MICAL3: variants seen among roughly 807,000 people sequenced by gnomAD.
The protein encoded by MICAL3 is microtubule associated monooxygenase, calponin and LIM domain containing 3.
A neutral mutation model predicts 207.4 loss-of-function variants in MICAL3; 62 were observed. The ratio of observed to expected loss-of-function variants is 0.30; its 90% CI spans 0.24 to 0.37. The LOEUF (loss-of-function observed/expected upper bound fraction) is 0.37. Ranked by LOEUF, MICAL3 falls within the 10% of genes least tolerant of loss-of-function variation. The pLI is 1.00. For missense variants in MICAL3, 2,368 were observed against 2,635.6 expected (o/e 0.90, Z 2.22); for synonymous variants, 1,077 against 1,069.3 (o/e 1.01, Z -0.14).
chr22:17,796,563 C>T lies in MICAL3; in HGVS notation c.5651-5262G>A, dbSNP rs547421553. 3.9e-5 allele frequency among the ~76,000 whole-genome samples: 6 copies of T among 152,346 alleles called. No homozygotes were observed. The highest frequency in any genetic ancestry group is 4.1e-4 in the South Asian group (2 of 4,830). On this transcript the variant is annotated intron_variant, in intron 29 of 31. Coordinates refer to ENST00000441493, the MANE Select transcript of MICAL3 (RefSeq NM_015241.3). This position sits in a 1 kb window ranked among gnomAD's most constrained non-coding sequence, Gnocchi z 4.4. ...GCCAAATCTTCTTGCCCACTCTGAA[C>T]TCAGAGCTTTCCCTCTTCAACACAG... is the stretch of plus-strand genomic sequence containing the variant.
intron 1 of MICAL3, among the ~76,000 whole-genome samples, chr22:18,017,860 C>T (rs940380814): frequency 6.6e-6 from 1 of 152,032 alleles, no homozygotes; most frequent in Non-Finnish European, 1.5e-5. Context: ...ACGCCATTCT[C>T]CTGCCTCGGC....
At chr22:18,023,675 C>G (rs1211116008) in intron 1 of MICAL3, among the ~76,000 whole-genome samples, 1 of 152,088 alleles carries the variant, frequency 6.6e-6, no homozygotes, top group Admixed American at 6.5e-5. Context: ...TGCACACGCC[C>G]GGGAGCTGCG....
chr22:17,938,733 G>A (rs1933667279), intron 1 of MICAL3, among the ~76,000 whole-genome samples: 1 of 152,168 alleles, frequency 6.6e-6, no homozygotes, highest in Admixed American at 6.5e-5. Context: ...GTGAAAGTCA[G>A]CCCACCCTCC....
chr22:17,951,135 C>T (rs1241829261), intron 1 of MICAL3, among the ~76,000 whole-genome samples: 2 of 152,194 alleles, frequency 1.3e-5, no homozygotes, highest in African/African-American at 4.8e-5. Context: ...ACTGCCCTTA[C>T]TCAACAAGTT....
chr22:17,809,006 AC>A, intron 28 of MICAL3, 69 bp from the exon 29 acceptor site: 1 of 1,317,952 alleles, frequency 7.6e-7, no homozygotes, highest in Non-Finnish European at 1.1e-6. Flanking sequence ...ACAACTCCAC[AC>A]CCACACGAGG....
chr22:17,877,035 A>AT (rs1236933701), intron 16 of MICAL3, among the ~76,000 whole-genome samples: 34 of 131,214 alleles, frequency 2.6e-4, no homozygotes, highest in Middle Eastern at 4.2e-3. Context: ...TATGGAGGTT[A>AT]GGGAGGTTAT....
intron 16 of MICAL3, chr22:17,872,920 T>C (rs980409961): frequency 2.9e-6 from 3 of 1,047,576 alleles, no homozygotes; most frequent in Non-Finnish European, 4.5e-6. Context: ...ATACATAAAT[T>C]AAGAAGACAC....
intron 21 of MICAL3, 75 bp downstream of exon 21, chr22:17,831,779 A>C (rs1405481412): frequency 6.0e-6 from 9 of 1,500,978 alleles, no homozygotes; most frequent in Non-Finnish European, 6.2e-6. Context: ...AGCCCCAGAA[A>C]CCTCTTACAC....
At chr22:17,835,577 G>T (rs113318432) in intron 20 of MICAL3, among the ~76,000 whole-genome samples, 41 of 152,354 alleles carry the variant, frequency 2.7e-4, no homozygotes, top group East Asian at 2.1e-3. Context: ...CAGTGTGGCC[G>T]ACCCTTTGGA....
chr22:17,994,541 T>C (rs1922061987), intron 1 of MICAL3, among the ~76,000 whole-genome samples: 1 of 151,870 alleles, frequency 6.6e-6, no homozygotes, highest in Admixed American at 6.6e-5. Context: ...AGAGAGAGCT[T>C]GTCTCTCCAC....
chr22:17,866,675 T>C (rs969286218), intron 17 of MICAL3, among the ~76,000 whole-genome samples: 22 of 150,736 alleles, frequency 1.5e-4, no homozygotes, highest in African/African-American at 3.2e-4. Context: ...GAATATAGAA[T>C]AGAATAGAAT....
chr22:17,841,850 T>C lies in MICAL3; in HGVS notation c.2773A>G (p.Thr925Ala). 2.6e-6 allele frequency: 4 copies of C among 1,561,998 alleles called. No individual in the cohort carries two copies. The highest frequency in any genetic ancestry group is 1.2e-5 in the South Asian group (1 of 85,088). The change falls in exon 20 of 32, where the codon ACG (threonine) becomes GCG (alanine). Residue 925 changes from threonine (T) to alanine (A), a missense_variant. Around this residue, in one of 4 missense-constraint regions of MICAL3, gnomAD observed 1,770 missense variants for 1,863.2 expected, o/e 0.95. Transcript: ENST00000441493. The surrounding 1 kb of genome is among the most constrained non-coding windows in gnomAD (Gnocchi z 4.2). Reference sequence around the variant, plus strand: ...CTGGCGACGTCCTCCTCGGCGCCCGTGTCCAGCACGCTGCTCAGGTTGTGC... The same window carrying C: ...CTGGCGACGTCCTCCTCGGCGCCCGCGTCCAGCACGCTGCTCAGGTTGTGC... Reference protein sequence around the residue: ...AEHNLSSVLDTGAEEDVASSS... With the variant: ...AEHNLSSVLDAGAEEDVASSS...
intron 19 of MICAL3, among the ~76,000 whole-genome samples, chr22:17,851,871 C>T (rs571668259): frequency 1.3e-5 from 2 of 152,294 alleles, no homozygotes; most frequent in East Asian, 1.9e-4. Flanking sequence ...AGTTTGGTTC[C>T]GGGAAGCAGC....
chr22:17,982,187 A>G (rs1012966182), intron 1 of MICAL3, among the ~76,000 whole-genome samples: 1 of 152,194 alleles, frequency 6.6e-6, no homozygotes, highest in African/African-American at 2.4e-5. Flanking sequence ...CCCAGCATTC[A>G]GTACACGAAA....
chr22:17,795,906 G>T (rs2061871486), intron 29 of MICAL3, among the ~76,000 whole-genome samples: 1 of 142,416 alleles, frequency 7.0e-6, no homozygotes, highest in African/African-American at 2.6e-5. Flanking sequence ...GGGCGGGGGT[G>T]GGGGGTTTAT....
At chr22:17,885,387 C>T (rs376482486) in intron 16 of MICAL3, among the ~76,000 whole-genome samples, 5 of 151,810 alleles carry the variant, frequency 3.3e-5, no homozygotes, top group South Asian at 4.1e-4. Flanking sequence ...GGAACGCCTA[C>T]GGTTAAATGA....
chr22:17,970,758 A>T (rs1935373687), intron 1 of MICAL3, among the ~76,000 whole-genome samples: 1 of 150,242 alleles, frequency 6.7e-6, no homozygotes, highest in Non-Finnish European at 1.5e-5. Flanking sequence ...ATTGAGCAGC[A>T]TTTTTTTTTA....
chr22:17,855,708 C>T (rs1310815057), intron 19 of MICAL3, among the ~76,000 whole-genome samples: 2 of 152,216 alleles, frequency 1.3e-5, no homozygotes, highest in Non-Finnish European at 2.9e-5. Flanking sequence ...CCCATTGCAC[C>T]TCAGTGATGA....
At chr22:17,981,552 A>C (rs1020404267) in intron 1 of MICAL3, among the ~76,000 whole-genome samples, 4 of 152,222 alleles carry the variant, frequency 2.6e-5, no homozygotes, top group African/African-American at 9.6e-5. Context: ...ACAAAACAAT[A>C]AACCCAGCCC....
Sources: allele counts gnomAD v4.1 joint callset (sites outside exome capture counted in the v4.1 genomes callset), GRCh38; gene constraint gnomAD v4.1.1; regional missense constraint gnomAD v4.1.1; non-coding constraint Gnocchi (gnomAD v3.1); transcripts MANE v1.5; gene names NCBI Gene and HGNC (gene_info 2026-07-23, HGNC 2026-07-21).